CHN2: variants seen among roughly 807,000 people sequenced by gnomAD.
The protein encoded by CHN2 is chimerin 2, also known as beta-chimaerin.
A neutral mutation model predicts 56.3 loss-of-function variants in CHN2; 35 were observed. The observed-to-expected ratio is 0.62, with a 90% CI of 0.47 to 0.82. The LOEUF (loss-of-function observed/expected upper bound fraction) is 0.82. Ranked by LOEUF, CHN2 falls within the 40% of genes least tolerant of loss-of-function variation. The pLI is 0.00. For missense variants in CHN2, 491 were observed against 580.5 expected (o/e 0.85, Z 1.58); for synonymous variants, 210 against 212.8 (o/e 0.99, Z 0.12).
At chr7:29,482,797 C>CTTTTTTTTTTTTGTTTTTT (rs1787431776) in intron 7 of CHN2, among the ~76,000 whole-genome samples, 1 of 64,206 alleles carries the variant, frequency 1.6e-5, no homozygotes, top group Non-Finnish European at 2.9e-5. Context: ...GCACTTTTTT[C>CTTTTTTTTTTTTGTTTTTT]TTTTTTTTTT....
chr7:29,170,537 G>T (rs1228845747), intron 2 of CHN2, among the ~76,000 whole-genome samples: 1 of 152,102 alleles, frequency 6.6e-6, no homozygotes, highest in Non-Finnish European at 1.5e-5. Flanking sequence ...GTTTAAAATG[G>T]GTTTTGTACA....
At chr7:29,389,335 G>T (rs1801180516) in intron 3 of CHN2, among the ~76,000 whole-genome samples, 1 of 152,212 alleles carries the variant, frequency 6.6e-6, no homozygotes, top group Admixed American at 6.5e-5. Context: ...CCGGTTTGCT[G>T]AAATAACATG....
intron 2 of CHN2, among the ~76,000 whole-genome samples, chr7:29,168,270 T>A (rs929965855): frequency 6.6e-6 from 1 of 152,260 alleles, no homozygotes; most frequent in African/African-American, 2.4e-5. Context: ...TTTCTCTTAT[T>A]GATTTCTAGA....
intron 2 of CHN2, among the ~76,000 whole-genome samples, chr7:29,176,608 G>C (rs905889273): frequency 2.0e-5 from 3 of 152,128 alleles, no homozygotes; most frequent in African/African-American, 7.2e-5. Context: ...TTACAAAGAA[G>C]CTTTAAAAGG....
intron 1 of CHN2, among the ~76,000 whole-genome samples, chr7:29,223,404 TC>T (rs1273129155): frequency 6.6e-6 from 1 of 152,174 alleles, no homozygotes; most frequent in East Asian, 1.9e-4. Context: ...ACTCAGGTCT[TC>T]CAATGAAACA....
At position 29,245,563 on chromosome 7, in the gene CHN2, G is replaced by A. The variant is rs564734018; in HGVS notation, c.49+50573G>A. On this transcript the variant is annotated intron_variant, in intron 1 of 12. Transcript: ENST00000222792. ...ATGCATTTTTAACCACACCCTTTAC[G>A]TGCATTATGCATTCCTAGAACAACT... Among the ~76,000 whole-genome samples the A allele has an allele frequency of 2.6e-5, 4 of 152,084 alleles. No individual in the cohort carries two copies. The South Asian group carries it at 6.3e-4, about 24-fold the overall frequency.
intron 6 of CHN2, among the ~76,000 whole-genome samples, chr7:29,466,564 A>G (rs956691536): frequency 6.6e-6 from 1 of 152,216 alleles, no homozygotes; most frequent in African/African-American, 2.4e-5. Flanking sequence ...ATTTCTATCA[A>G]TAGAGGCCCT....
intron 2 of CHN2, among the ~76,000 whole-genome samples, chr7:29,183,827 T>G (rs1487194536): frequency 6.6e-6 from 1 of 152,196 alleles, no homozygotes; most frequent in Non-Finnish European, 1.5e-5. Flanking sequence ...TCTCTATATT[T>G]GTAGATTCCA....
rs371558933 is a variant in CHN2, at chr7:29,499,902, C to T, written c.775C>T (p.His259Tyr). The change falls in exon 9 of 13, where the codon CAC (histidine) becomes TAC (tyrosine). Residue 259 changes from histidine (H) to tyrosine (Y), a missense_variant. Coordinates refer to ENST00000222792, the MANE Select transcript of CHN2 (RefSeq NM_004067.4). Reference protein sequence around the residue: ...GLNVHKQCSKHVPNDCQPDLK... With the variant: ...GLNVHKQCSKYVPNDCQPDLK... ...GAACGTACACAAACAGTGTTCCAAG[C>T]ACGTTCCCAATGACTGCCAACCTGA... The T allele has an allele frequency of 2.0e-5, 32 of 1,609,212 alleles. No homozygotes were observed. Among genetic ancestry groups the T allele is most frequent in the Non-Finnish European group, 2.7e-5 (32 of 1,178,392 alleles).
At chr7:29,485,250 G>C (rs562646065) in intron 7 of CHN2, among the ~76,000 whole-genome samples, 79 of 152,232 alleles carry the variant, frequency 5.2e-4, no homozygotes, top group Middle Eastern at 6.8e-3. Flanking sequence ...GATTATGCAG[G>C]ACTGGGCAGG....
chr7:29,156,619 T>C (rs1199971527), intron 2 of CHN2, among the ~76,000 whole-genome samples: 2 of 152,220 alleles, frequency 1.3e-5, no homozygotes, highest in Non-Finnish European at 2.9e-5. Context: ...TTTGTGGGTT[T>C]TTTTTCCTCT....
intron 1 of CHN2, among the ~76,000 whole-genome samples, chr7:29,244,572 CCGAT>C (rs1787930242): frequency 6.6e-6 from 1 of 152,148 alleles, no homozygotes. Context: ...GGAAGGAGCC[CCGAT>C]CGATTAGAAA....
At chr7:29,493,738 A>ACT (rs1397172052) in intron 7 of CHN2, among the ~76,000 whole-genome samples, 1 of 151,926 alleles carries the variant, frequency 6.6e-6, no homozygotes, top group Non-Finnish European at 1.5e-5. Flanking sequence ...AAATTCTTCC[A>ACT]CTTTCCATCT....
chr7:29,352,783 A>G (rs1361943301), intron 1 of CHN2, among the ~76,000 whole-genome samples: 2 of 152,164 alleles, frequency 1.3e-5, no homozygotes, highest in South Asian at 2.1e-4. Context: ...AATGCCTGGC[A>G]TTTCTGATGA....
At chr7:29,348,561 T>C (rs1797642301) in intron 1 of CHN2, among the ~76,000 whole-genome samples, 2 of 152,206 alleles carry the variant, frequency 1.3e-5, no homozygotes, top group Admixed American at 1.3e-4. Context: ...TTGATATTTG[T>C]TTCACAGAAT....
chr7:29,374,152 TC>T (rs796729700), intron 3 of CHN2, among the ~76,000 whole-genome samples: 10 of 152,096 alleles, frequency 6.6e-5, no homozygotes, highest in African/African-American at 9.7e-5. Context: ...TCTCTTTTTT[TC>T]CCCCTTAATG....
At chr7:29,450,149 G>A (rs1784306767) in intron 6 of CHN2, among the ~76,000 whole-genome samples, 1 of 152,154 alleles carries the variant, frequency 6.6e-6, no homozygotes, top group Admixed American at 6.5e-5. Flanking sequence ...TTGCATGTGA[G>A]CATGAATCAT....
intron 12 of CHN2, 77 bp downstream of exon 12, chr7:29,509,483 C>A: frequency 9.0e-7 from 1 of 1,113,048 alleles, no homozygotes; most frequent in Non-Finnish European, 1.4e-6. Flanking sequence ...GACGGCATTC[C>A]TCCCCAGCCA....
At chr7:29,282,906 GAGA>G (rs1191047937) in intron 1 of CHN2, among the ~76,000 whole-genome samples, 2 of 152,188 alleles carry the variant, frequency 1.3e-5, no homozygotes, top group Admixed American at 6.5e-5. Flanking sequence ...AAAAAGATTG[GAGA>G]AGAAGAAGAA....
Sources: allele counts gnomAD v4.1 joint callset (sites outside exome capture counted in the v4.1 genomes callset), GRCh38; gene constraint gnomAD v4.1.1; transcripts MANE v1.5; gene names NCBI Gene and HGNC (gene_info 2026-07-23, HGNC 2026-07-21).